The following ERO1B variants were observed in gnomAD, a reference collection of about 807,000 sequenced individuals.
ERO1B encodes the protein endoplasmic reticulum oxidoreductase 1 beta.
In ERO1B, 49 loss-of-function variants were observed where a neutral mutation model predicts 75.3. The observed-to-expected ratio is 0.65, with a 90% confidence interval of 0.52 to 0.83. The LOEUF is 0.83. Among genes scored for constraint, ERO1B ranks in the 40% least tolerant of loss-of-function variants. The pLI, the probability that ERO1B is intolerant of heterozygous loss-of-function variation, is 0.00. For synonymous variants in ERO1B, 191 were observed against 192.9 expected, an observed-to-expected ratio of 0.99 and a Z score of 0.08; for missense variants, 512 against 560.1, an observed-to-expected ratio of 0.91 and a Z score of 0.87.
intron 6 of ERO1B, among the ~76,000 whole-genome samples, chr1:236,241,635 T>C (rs563370704): frequency 6.6e-6 from 1 of 152,294 alleles, no homozygotes; most frequent in African/African-American, 2.4e-5. Flanking sequence ...GTAAACCAAT[T>C]AGTAGGTACC....
At chr1:236,234,118 C>T (rs180980157) in intron 8 of ERO1B, among the ~76,000 whole-genome samples, 1 of 152,258 alleles carries the variant, frequency 6.6e-6, no homozygotes, top group Non-Finnish European at 1.5e-5. Flanking sequence ...AGGTAAATAG[C>T]AACAGCAAGA....
chr1:236,218,900 A>G (rs1664064703), intron 15 of ERO1B, among the ~76,000 whole-genome samples: 1 of 152,120 alleles, frequency 6.6e-6, no homozygotes, highest in African/African-American at 2.4e-5. Flanking sequence ...ATTGCTCTTT[A>G]CTCAATGTTC....
In ERO1B at chr1:236,237,417, A is replaced by G. The variant is rs1237314391; in HGVS notation, c.506-1019T>C. 1.1e-4 allele frequency among the ~76,000 whole-genome samples: 16 copies of G among 152,164 alleles called. No homozygotes were observed. In the East Asian group the frequency reaches 2.5e-3, roughly 24 times the overall value. On this transcript the variant is annotated intron_variant, in intron 6 of 15. Transcript: ENST00000354619. ...GGTGTGAGCCACTGTGCCCGGCCCTATTTGGACATTTTAATTGAGATCTCT... is the reference window on the plus strand; with the variant it reads ...GGTGTGAGCCACTGTGCCCGGCCCTGTTTGGACATTTTAATTGAGATCTCT...
intron 8 of ERO1B, among the ~76,000 whole-genome samples, chr1:236,235,164 C>G (rs1184714160): frequency 6.6e-6 from 1 of 152,182 alleles, no homozygotes; most frequent in Non-Finnish European, 1.5e-5. Flanking sequence ...TTGGACAGTA[C>G]AGATATAGAG....
intron 2 of ERO1B, among the ~76,000 whole-genome samples, chr1:236,255,669 C>T (rs1321920627): frequency 6.6e-6 from 1 of 152,062 alleles, no homozygotes; most frequent in Non-Finnish European, 1.5e-5. Flanking sequence ...ATGGGTATGA[C>T]TAGAAGTGTT....
At chr1:236,223,169 T>A (rs1726625) in intron 13 of ERO1B, among the ~76,000 whole-genome samples, 67,440 of 140,336 alleles carry the variant, frequency 0.48, 16,425 homozygotes, top group East Asian at 0.88. Flanking sequence ...ACCACTGCAC[T>A]CCAGCCTGGG....
intron 1 of ERO1B, among the ~76,000 whole-genome samples, chr1:236,277,064 T>C (rs1397958119): frequency 6.6e-6 from 1 of 152,134 alleles, no homozygotes; most frequent in African/African-American, 2.4e-5. Flanking sequence ...TTAAATCTCT[T>C]TTCTTTAAAA....
In ERO1B at chr1:236,234,583, G is replaced by A. The variant is rs150391078; in HGVS notation, c.673+1206C>T. The stretch of plus-strand genomic sequence containing the variant: ...AGACAAAGGATAAGAAGCCAGGCAC[G>A]TCTTTTTCAGGACCAACTTCCTTCT... On this transcript the variant is annotated intron_variant, in intron 8 of 15. Transcript: ENST00000354619. 3.0e-3 allele frequency among the ~76,000 whole-genome samples: 462 copies of A among 152,272 alleles called. 3 individuals are homozygous for A. Among genetic ancestry groups the A allele is most frequent in the African/African-American group, 9.4e-3 (390 of 41,556 alleles).
Position 236,281,801 on chromosome 1 carries a change from C to A in ERO1B, c.-18G>T. On this transcript the variant is annotated 5_prime_UTR_variant, in exon 1 of 16. Transcript: ENST00000354619. ...TGGCTCATGCTGACCTCTACCCACA[C>A]CGCGGCCAGCCGGACCCCTCGGGGC... 7.1e-7 allele frequency: 1 copy of A among 1,414,382 alleles called. No homozygotes were observed. The highest frequency in any genetic ancestry group is 2.6e-5 in the Admixed American group (1 of 39,070). The allele number at this position is 1,414,382 out of a possible 1,614,324, so 87.6% of individuals were successfully genotyped here.
chr1:236,273,605 G>T (rs1236819221), intron 1 of ERO1B, among the ~76,000 whole-genome samples: 1 of 151,974 alleles, frequency 6.6e-6, no homozygotes, highest in Non-Finnish European at 1.5e-5. Flanking sequence ...CAGGAGAATT[G>T]AGTCCAGCCT....
chr1:236,259,207 C>T (rs946317503), intron 2 of ERO1B, among the ~76,000 whole-genome samples: 1 of 152,074 alleles, frequency 6.6e-6, no homozygotes, highest in African/African-American at 2.4e-5. Flanking sequence ...ATGTAGGTCT[C>T]ATGGTAACTA....
intron 8 of ERO1B, among the ~76,000 whole-genome samples, chr1:236,235,190 T>TA (rs1329840122): frequency 6.6e-6 from 1 of 152,240 alleles, no homozygotes; most frequent in Non-Finnish European, 1.5e-5. Flanking sequence ...CTAAAGTTTC[T>TA]AAAATTGTTG....
chr1:236,220,000 G>A (rs1054733918), intron 15 of ERO1B, among the ~76,000 whole-genome samples: 1 of 137,176 alleles, frequency 7.3e-6, no homozygotes, highest in Admixed American at 7.7e-5. Context: ...TTCCAGCCTG[G>A]ATGACAGAGC....
chr1:236,260,126 T>C (rs2695069), intron 2 of ERO1B, among the ~76,000 whole-genome samples: 37,594 of 151,504 alleles, frequency 0.25, 4,818 homozygotes, highest in East Asian at 0.38. Flanking sequence ...TTTAGCTAGA[T>C]TAACAAAGAA....
At position 236,281,914 on chromosome 1, in the gene ERO1B, T is replaced by C. The variant is rs1397919750; in HGVS notation, c.-131A>G. The C allele has an allele frequency of 1.2e-5, 6 of 492,622 alleles. No individual in the cohort carries two copies. In the East Asian group the frequency reaches 2.1e-4, roughly 17 times the overall value. 30.5% of individuals were successfully genotyped at this position (492,622 alleles called of 1,614,324 possible). A position where few individuals can be genotyped will look rare whatever the true frequency, so the allele number is the denominator to read the frequency against. ...CCAGGGTCAGAGGTCTGCACTCCAG[T>C]CCGGAGGCAGGCGACTCTTTCCCCA... is the stretch of plus-strand genomic sequence containing the variant. On this transcript the variant is annotated 5_prime_UTR_variant, in exon 1 of 16. Coordinates refer to ENST00000354619, the MANE Select transcript of ERO1B (RefSeq NM_019891.4).
At position 236,279,837 on chromosome 1, in the gene ERO1B, C is replaced by A. The variant is rs545428560; in HGVS notation, c.102+1845G>T. Reference sequence around the variant, plus strand: ...CCAGCCTGGCCAACAGAGTGAGACACTATCTCAAAAAAAAAAAAAAAAAGA... The same window carrying A: ...CCAGCCTGGCCAACAGAGTGAGACAATATCTCAAAAAAAAAAAAAAAAAGA... On this transcript the variant is annotated intron_variant, in intron 1 of 15. Coordinates refer to ENST00000354619, the MANE Select transcript of ERO1B (RefSeq NM_019891.4). Among the ~76,000 whole-genome samples, 238 of 64,812 alleles carry A rather than the reference C, an allele frequency of 3.7e-3. 3 individuals carry two copies. The Admixed American group carries it at 0.041, about 11-fold the overall frequency. The allele number at this position is 64,812 out of a possible 152,430, so 42.5% of individuals were successfully genotyped here. A position where few individuals can be genotyped will look rare whatever the true frequency, so the allele number is the denominator to read the frequency against.
chr1:236,253,194 T>C (rs757927847), intron 3 of ERO1B, among the ~76,000 whole-genome samples: 3 of 152,192 alleles, frequency 2.0e-5, no homozygotes, highest in Non-Finnish European at 2.9e-5. Flanking sequence ...AATAAGACTA[T>C]ATTTCCATAT....
At position 236,216,684 on chromosome 1, in the gene ERO1B, TTAAC is replaced by T. The variant is rs1663989206; in HGVS notation, c.*1828_*1831del. Reference sequence around the variant, plus strand: ...CAGTAAACAGTTTAAATAATAGCCTTTAACTGAGGGAGTGGTGAAATAACACTAT... The same window carrying T: ...CAGTAAACAGTTTAAATAATAGCCTTTGAGGGAGTGGTGAAATAACACTAT... On this transcript the variant is annotated 3_prime_UTR_variant, in exon 16 of 16. Transcript: ENST00000354619. 6.6e-6 allele frequency: 1 copy of T among 152,052 alleles called. No individual in the cohort carries two copies. The highest frequency in any genetic ancestry group is 1.5e-5 in the Non-Finnish European group (1 of 67,946). 9.4% of individuals were successfully genotyped at this position (152,052 alleles called of 1,614,324 possible).
intron 3 of ERO1B, among the ~76,000 whole-genome samples, chr1:236,252,729 A>G (rs1456236742): frequency 1.3e-5 from 2 of 152,192 alleles, no homozygotes; most frequent in Admixed American, 1.3e-4. Flanking sequence ...TTTTATTCTT[A>G]AAGGAAACTG....
Sources: gnomAD v4.1 joint callset for allele counts (sites outside exome capture counted in the v4.1 genomes callset) on GRCh38, gnomAD v4.1.1 for gene constraint, MANE v1.5 for transcripts, NCBI Gene and HGNC (gene_info 2026-07-23, HGNC 2026-07-21) for gene names.